CACNA2D3: variants seen among roughly 807,000 people sequenced by gnomAD.
CACNA2D3 encodes voltage-dependent calcium channel subunit alpha-2/delta-3.
Under a neutral mutation model 160.6 loss-of-function variants are expected in CACNA2D3, and 60 were observed. That is an observed-to-expected ratio of 0.37 (90% CI 0.30 to 0.46). The LOEUF is 0.46. Ranked by LOEUF, CACNA2D3 falls within the 20% of genes least tolerant of loss-of-function variation. The probability of loss-of-function intolerance (pLI) is 1.00; values close to 1 mark genes in which losing one functional copy is unlikely to be tolerated. For missense variants in CACNA2D3, 1,205 were observed against 1,365.0 expected (o/e 0.88, Z 1.85); for synonymous variants, 558 against 492.9 (o/e 1.13, Z -1.75).
chr3:54,297,003 G>A lies in CACNA2D3; in HGVS notation c.205-23439G>A, dbSNP rs563508850. On this transcript the variant is annotated intron_variant, in intron 2 of 37. Transcript: ENST00000474759. The stretch of plus-strand genomic sequence containing the variant: ...ATACCTCCTCCACTTCCTACCTAGC[G>A]CTTTTGATCCAGGTCTCAGAATTTG... 8.5e-5 allele frequency among the ~76,000 whole-genome samples: 13 copies of A among 152,234 alleles called. No homozygotes were observed. In the South Asian group the frequency reaches 2.3e-3, roughly 27 times the overall value.
At chr3:54,719,369 G>A (rs146413342) in intron 11 of CACNA2D3, among the ~76,000 whole-genome samples, 2 of 151,996 alleles carry the variant, frequency 1.3e-5, no homozygotes, top group East Asian at 1.9e-4. Flanking sequence ...AAAAATGGAT[G>A]TGAATGGATG....
At chr3:54,954,836 C>T (rs533778397) in intron 27 of CACNA2D3, among the ~76,000 whole-genome samples, 67 of 152,322 alleles carry the variant, frequency 4.4e-4, no homozygotes, top group African/African-American at 1.5e-3. Context: ...TGCCAGGAAT[C>T]TTCAGAAAGA....
chr3:54,931,490 T>C (rs1213319196), intron 27 of CACNA2D3, among the ~76,000 whole-genome samples: 1 of 151,992 alleles, frequency 6.6e-6, no homozygotes, highest in Non-Finnish European at 1.5e-5. Context: ...ATCCAAGAGG[T>C]GGCAAGACAG....
At chr3:54,407,078 G>A (rs1380348652) in intron 4 of CACNA2D3, among the ~76,000 whole-genome samples, 2 of 152,170 alleles carry the variant, frequency 1.3e-5, no homozygotes, top group Non-Finnish European at 2.9e-5. Context: ...GAAGGGTTTA[G>A]CAGAACTACT....
chr3:54,951,101 A>C (rs928657171), intron 27 of CACNA2D3, among the ~76,000 whole-genome samples: 1 of 152,218 alleles, frequency 6.6e-6, no homozygotes, highest in Non-Finnish European at 1.5e-5. Context: ...GAACGCTCCA[A>C]CTATAATATC....
intron 11 of CACNA2D3, among the ~76,000 whole-genome samples, chr3:54,668,515 A>C (rs1442571818): frequency 2.6e-5 from 4 of 152,244 alleles, no homozygotes; most frequent in Non-Finnish European, 5.9e-5. Flanking sequence ...GTCACTGTTT[A>C]CACAGGCTTA....
intron 35 of CACNA2D3, among the ~76,000 whole-genome samples, chr3:55,033,161 A>G (rs973093247): frequency 1.3e-5 from 2 of 152,190 alleles, no homozygotes; most frequent in Non-Finnish European, 2.9e-5. Context: ...GAAGCCCCTT[A>G]GGATACCAGA....
chr3:54,718,762 AAGAAGGATTGACGT>A (rs1701111655), intron 11 of CACNA2D3, among the ~76,000 whole-genome samples: 1 of 152,092 alleles, frequency 6.6e-6, no homozygotes, highest in African/African-American at 2.4e-5. Context: ...AAATCAACTG[AAGAAGGATTGACGT>A]ATCTTTATAA....
chr3:55,063,356 T>C (rs1439936956), intron 35 of CACNA2D3, among the ~76,000 whole-genome samples: 4 of 150,746 alleles, frequency 2.7e-5, no homozygotes, highest in Non-Finnish European at 5.9e-5. Context: ...GTCTCAGCCT[T>C]GAAGGATGTT....
chr3:54,492,532 G>T (rs1701127289), intron 4 of CACNA2D3, among the ~76,000 whole-genome samples: 1 of 152,200 alleles, frequency 6.6e-6, no homozygotes, highest in African/African-American at 2.4e-5. Flanking sequence ...CTGAAGAGTT[G>T]ATTGTGAAGG....
intron 17 of CACNA2D3, among the ~76,000 whole-genome samples, chr3:54,863,573 A>G (rs1160100351): frequency 1.3e-5 from 2 of 152,246 alleles, no homozygotes; most frequent in Admixed American, 6.5e-5. Flanking sequence ...CGGTGTGGTA[A>G]GCGTGTTTGA....
intron 11 of CACNA2D3, among the ~76,000 whole-genome samples, chr3:54,671,641 A>T (rs1172278015): frequency 1.3e-5 from 2 of 152,106 alleles, no homozygotes; most frequent in African/African-American, 4.8e-5. Context: ...CTGCACGGAA[A>T]TACAGCTGCT....
intron 27 of CACNA2D3, among the ~76,000 whole-genome samples, chr3:54,948,407 T>C (rs1019111936): frequency 6.6e-6 from 1 of 152,244 alleles, no homozygotes; most frequent in Non-Finnish European, 1.5e-5. Context: ...AGGCCCTTCA[T>C]GGGCATATAT....
rs538950411 is a variant in CACNA2D3 at position 54,539,348 on chromosome 3, C to T, written c.545-23452C>T. Among the ~76,000 whole-genome samples the T allele has an allele frequency of 3.3e-5, 5 of 152,306 alleles. No individual in the cohort carries two copies. The South Asian group carries it at 1.0e-3, about 32-fold the overall frequency. ...TTAGGGAGATGTGTTATTGAAAGTGCCCCTATTTCTCCTTCTCCTGTGTTA... is the reference window on the plus strand; with the variant it reads ...TTAGGGAGATGTGTTATTGAAAGTGTCCCTATTTCTCCTTCTCCTGTGTTA... On this transcript the variant is annotated intron_variant, in intron 5 of 37. Transcript: ENST00000474759.
intron 3 of CACNA2D3, among the ~76,000 whole-genome samples, chr3:54,338,948 C>G (rs1209866842): frequency 6.6e-6 from 1 of 152,156 alleles, no homozygotes; most frequent in Non-Finnish European, 1.5e-5. Flanking sequence ...TTCCAGCATC[C>G]CAGTAGCCAG....
At chr3:54,860,822 A>G (rs1699273898) in intron 17 of CACNA2D3, among the ~76,000 whole-genome samples, 1 of 152,088 alleles carries the variant, frequency 6.6e-6, no homozygotes, top group African/African-American at 2.4e-5. Flanking sequence ...AACCTTCCTG[A>G]CCTCAGTTTC....
chr3:54,721,637 T>G (rs1701171457), intron 11 of CACNA2D3, among the ~76,000 whole-genome samples: 2 of 151,826 alleles, frequency 1.3e-5, no homozygotes, highest in Admixed American at 1.3e-4. Context: ...GGTAGGCACC[T>G]GTAATCCCAA....
chr3:54,461,147 G>A (rs1700496444), intron 4 of CACNA2D3, among the ~76,000 whole-genome samples: 1 of 152,076 alleles, frequency 6.6e-6, no homozygotes, highest in South Asian at 2.1e-4. Context: ...TGGTGGATAA[G>A]CTTTTTGATG....
chr3:54,438,205 T>A (rs114876342), intron 4 of CACNA2D3, among the ~76,000 whole-genome samples: 189 of 152,298 alleles, frequency 1.2e-3, no homozygotes, highest in African/African-American at 4.4e-3. Context: ...TTCTTATAGC[T>A]CCCTTGTGGG....
Sources: allele counts gnomAD v4.1 joint callset (sites outside exome capture counted in the v4.1 genomes callset), GRCh38; gene constraint gnomAD v4.1.1; transcripts MANE v1.5; gene names NCBI Gene and HGNC (gene_info 2026-07-23, HGNC 2026-07-21).